The following TRIM44 variants were observed in gnomAD, a reference collection of about 807,000 sequenced individuals.
TRIM44 encodes tripartite motif containing 44, also known as tripartite motif-containing protein 44.
Under a neutral mutation model 37.4 loss-of-function variants are expected in TRIM44, and 13 were observed. The ratio of observed to expected loss-of-function variants is 0.35; its 90% CI spans 0.23 to 0.55. The LOEUF (loss-of-function observed/expected upper bound fraction) is 0.55. Among genes scored for constraint, TRIM44 ranks in the 20% least tolerant of loss-of-function variants. The pLI, the probability that TRIM44 is intolerant of heterozygous loss-of-function variation, is 0.89. For synonymous variants in TRIM44, 175 were observed against 157.2 expected, an observed-to-expected ratio of 1.11 and a Z score of -0.85; for missense variants, 426 against 437.2, an observed-to-expected ratio of 0.97 and a Z score of 0.23.
At chr11:35,717,027 A>G (rs185126606) in intron 2 of TRIM44, among the ~76,000 whole-genome samples, 33 of 152,312 alleles carry the variant, frequency 2.2e-4, no homozygotes, top group Admixed American at 1.7e-3. Context: ...ATGAATGAGG[A>G]GGGGAAGGGT....
intron 4 of TRIM44, among the ~76,000 whole-genome samples, chr11:35,737,820 G>A (rs1361589716): frequency 2.0e-5 from 3 of 152,016 alleles, no homozygotes; most frequent in Non-Finnish European, 2.9e-5. Flanking sequence ...TGGGCAACAA[G>A]AGCAAGACTC....
chr11:35,779,223 G>T (rs972612683), intron 4 of TRIM44, among the ~76,000 whole-genome samples: 1 of 152,188 alleles, frequency 6.6e-6, no homozygotes, highest in African/African-American at 2.4e-5. Flanking sequence ...GCGAGGCTCT[G>T]TGGGCATGGG....
intron 4 of TRIM44, among the ~76,000 whole-genome samples, chr11:35,774,482 A>G (rs1852922922): frequency 6.6e-6 from 1 of 152,090 alleles, no homozygotes; most frequent in South Asian, 2.1e-4. Flanking sequence ...GTTAGATCCC[A>G]TTTGTCAATT....
chr11:35,718,862 T>C (rs941046932), intron 2 of TRIM44, among the ~76,000 whole-genome samples: 1 of 151,634 alleles, frequency 6.6e-6, no homozygotes, highest in African/African-American at 2.4e-5. Context: ...GATTCTCTCA[T>C]GTATGTTCAT....
At chr11:35,707,254 A>G (rs981489402) in intron 2 of TRIM44, among the ~76,000 whole-genome samples, 1 of 152,236 alleles carries the variant, frequency 6.6e-6, no homozygotes, top group African/African-American at 2.4e-5. Flanking sequence ...CTGCTCAATG[A>G]AACAAAAGAG....
In TRIM44 at chr11:35,663,207, G is replaced by A. The variant is rs1851291895; in HGVS notation, c.96G>A (p.Val32=). ...ACGAGGCTCCGGGGGCCGAGGAAGTGTGCCGAGAATGCGGCTTCTGCTACT... is the reference window on the plus strand; with the variant it reads ...ACGAGGCTCCGGGGGCCGAGGAAGTATGCCGAGAATGCGGCTTCTGCTACT... ...EPDEAPGAEE[V]CRECGFCYCR... Residue 32 remains valine, a synonymous_variant, in exon 1 of 5, where the codon GTG becomes GTA. Coordinates refer to ENST00000299413, the MANE Select transcript of TRIM44 (RefSeq NM_017583.6). The A allele has an allele frequency of 6.2e-7, 1 of 1,601,032 alleles. No homozygotes were observed. The highest frequency in any genetic ancestry group is 1.7e-5 in the Admixed American group (1 of 59,238).
chr11:35,743,604 T>A (rs556397674), intron 4 of TRIM44, among the ~76,000 whole-genome samples: 2 of 152,244 alleles, frequency 1.3e-5, no homozygotes, highest in Non-Finnish European at 2.9e-5. Context: ...GATTTGTGTC[T>A]GTTTTGATAG....
intron 2 of TRIM44, among the ~76,000 whole-genome samples, chr11:35,718,773 T>G (rs975553728): frequency 3.9e-5 from 6 of 152,144 alleles, no homozygotes; most frequent in African/African-American, 1.4e-4. Flanking sequence ...GTCTCCATAG[T>G]TTTGCCTTTC....
intron 1 of TRIM44, among the ~76,000 whole-genome samples, chr11:35,664,243 A>G (rs1851308742): frequency 6.6e-6 from 1 of 152,210 alleles, no homozygotes; most frequent in Non-Finnish European, 1.5e-5. Flanking sequence ...AAATAGTTTT[A>G]ATAGTAACTT....
intron 1 of TRIM44, among the ~76,000 whole-genome samples, chr11:35,678,581 C>T (rs911017338): frequency 2.0e-5 from 3 of 151,964 alleles, no homozygotes; most frequent in African/African-American, 7.3e-5. Flanking sequence ...AGGAGGACTT[C>T]CTCTCCCCTC....
intron 2 of TRIM44, among the ~76,000 whole-genome samples, chr11:35,687,224 C>A (rs1012359438): frequency 6.6e-6 from 1 of 152,170 alleles, no homozygotes; most frequent in Admixed American, 6.5e-5. Flanking sequence ...TGTGGCAGAG[C>A]CATAGACTGG....
Position 35,727,345 on chromosome 11 carries a change from C to G in TRIM44, c.987+1182C>G, listed in dbSNP as rs149058987. Among the ~76,000 whole-genome samples the G allele has an allele frequency of 1.8e-3, 281 of 152,252 alleles. 2 individuals are homozygous for G. The highest frequency in any genetic ancestry group is 6.5e-3 in the African/African-American group (270 of 41,552). ...ACTGTTGCTGACTCAGCAAGTCCAT[C>G]CTTAACTGGACGTCCTGCCTTGGCT... On this transcript the variant is annotated intron_variant, in intron 3 of 4. Coordinates refer to ENST00000299413, the MANE Select transcript of TRIM44 (RefSeq NM_017583.6).
At chr11:35,741,951 G>T (rs1292125120) in intron 4 of TRIM44, among the ~76,000 whole-genome samples, 2 of 152,042 alleles carry the variant, frequency 1.3e-5, no homozygotes, top group Non-Finnish European at 2.9e-5. Flanking sequence ...TTATTTATGA[G>T]ACAGGGACTT....
At chr11:35,779,948 CT>C (rs1380435698) in intron 4 of TRIM44, among the ~76,000 whole-genome samples, 3 of 144,166 alleles carry the variant, frequency 2.1e-5, no homozygotes, top group Non-Finnish European at 4.5e-5. Flanking sequence ...GTTCTCTATT[CT>C]GTTCCATTGA....
intron 2 of TRIM44, among the ~76,000 whole-genome samples, chr11:35,689,900 T>A (rs1039943011): frequency 3.3e-5 from 5 of 152,226 alleles, no homozygotes; most frequent in Non-Finnish European, 7.3e-5. Flanking sequence ...CCACTTTCTC[T>A]CTATTATGTA....
At chr11:35,766,203 T>C (rs1273256828) in intron 4 of TRIM44, among the ~76,000 whole-genome samples, 1 of 152,220 alleles carries the variant, frequency 6.6e-6, no homozygotes, top group African/African-American at 2.4e-5. Context: ...AGTTCTCTGA[T>C]GCACATTTAC....
chr11:35,748,437 A>G (rs1466414527), intron 4 of TRIM44, among the ~76,000 whole-genome samples: 2 of 152,208 alleles, frequency 1.3e-5, no homozygotes, highest in Non-Finnish European at 2.9e-5. Flanking sequence ...ATGATTATCT[A>G]TCTCATTTAA....
chr11:35,776,710 G>T (rs1426888705), intron 4 of TRIM44, among the ~76,000 whole-genome samples: 1 of 152,138 alleles, frequency 6.6e-6, no homozygotes, highest in African/African-American at 2.4e-5. Context: ...ATTTCGTTGT[G>T]CACCCAGTAG....
Position 35,807,493 on chromosome 11 carries a change from G to A in TRIM44, c.*1108G>A, listed in dbSNP as rs964593450. The A allele has an allele frequency of 2.0e-5, 3 of 152,134 alleles. No homozygotes were observed. Among genetic ancestry groups the A allele is most frequent in the African/African-American group, 7.2e-5 (3 of 41,426 alleles). The allele number at this position is 152,134 out of a possible 1,614,324, so 9.4% of individuals were successfully genotyped here. On this transcript the variant is annotated 3_prime_UTR_variant, in exon 5 of 5. Coordinates refer to ENST00000299413, the MANE Select transcript of TRIM44 (RefSeq NM_017583.6). Reference sequence around the variant, plus strand: ...TCCTCTTAGTAACAGAGACACTCCTGAGGTTGGACTTCCTTGCTTTTCTCT... The same window carrying A: ...TCCTCTTAGTAACAGAGACACTCCTAAGGTTGGACTTCCTTGCTTTTCTCT...
Sources: gnomAD v4.1 joint callset for allele counts (sites outside exome capture counted in the v4.1 genomes callset) on GRCh38, gnomAD v4.1.1 for gene constraint, MANE v1.5 for transcripts, NCBI Gene and HGNC (gene_info 2026-07-23, HGNC 2026-07-21) for gene names.